The following DCLK1 variants were observed in gnomAD, a reference collection of about 807,000 sequenced individuals.
DCLK1 encodes serine/threonine-protein kinase DCLK1.
In DCLK1, 16 loss-of-function variants were observed where a neutral mutation model predicts 86.2. The ratio of observed to expected loss-of-function variants is 0.19; its 90% CI spans 0.13 to 0.28. The LOEUF is 0.28. DCLK1 is among the 10% of genes least tolerant of loss of function. DCLK1 has a pLI of 1.00. For missense variants in DCLK1, 590 were observed against 940.2 expected (o/e 0.63, Z 4.87); for synonymous variants, 369 against 370.5 (o/e 1.00, Z 0.05).
intron 3 of DCLK1, among the ~76,000 whole-genome samples, chr13:36,108,609 C>T (rs1885491957): frequency 6.6e-6 from 1 of 152,210 alleles, no homozygotes; most frequent in South Asian, 2.1e-4. Context: ...AGTTTTCATG[C>T]CATGGATACA....
At chr13:35,852,848 A>G (rs1439783838) in intron 6 of DCLK1, among the ~76,000 whole-genome samples, 5 of 152,232 alleles carry the variant, frequency 3.3e-5, no homozygotes, top group East Asian at 3.9e-4. Flanking sequence ...GGAATTCCCA[A>G]TCACTCTTAA....
intron 3 of DCLK1, among the ~76,000 whole-genome samples, chr13:35,959,210 C>A (rs557108262): frequency 6.7e-4 from 102 of 152,228 alleles, no homozygotes; most frequent in African/African-American, 2.4e-3. Flanking sequence ...ACAATTAATT[C>A]TTTTCTATTT....
chr13:35,890,816 T>C (rs1873597500), intron 4 of DCLK1, among the ~76,000 whole-genome samples: 1 of 151,902 alleles, frequency 6.6e-6, no homozygotes, highest in African/African-American at 2.4e-5. Context: ...TCCATATATT[T>C]AATAAGCCAT....
At chr13:36,048,513 G>A (rs1883010039) in intron 3 of DCLK1, among the ~76,000 whole-genome samples, 1 of 152,148 alleles carries the variant, frequency 6.6e-6, no homozygotes, top group Non-Finnish European at 1.5e-5. Flanking sequence ...TATATTCTCA[G>A]TCTTGGGTTT....
chr13:35,955,198 GT>G (rs373705276), intron 3 of DCLK1, among the ~76,000 whole-genome samples: 49 of 147,270 alleles, frequency 3.3e-4, no homozygotes, highest in African/African-American at 6.7e-4. Flanking sequence ...TATCTATCCT[GT>G]TTTTTTTTTA....
At chr13:36,090,857 C>T (rs771164339) in intron 3 of DCLK1, among the ~76,000 whole-genome samples, 11 of 152,046 alleles carry the variant, frequency 7.2e-5, no homozygotes, top group Non-Finnish European at 1.3e-4. Flanking sequence ...CCCCACCCTA[C>T]CCCACTCCAC....
chr13:36,076,353 T>C (rs531105546), intron 3 of DCLK1, among the ~76,000 whole-genome samples: 1 of 152,316 alleles, frequency 6.6e-6, no homozygotes, highest in South Asian at 2.1e-4. Flanking sequence ...TTAAATATCA[T>C]CTTCATTTTC....
At chr13:35,831,348 C>A (rs114319522) in intron 8 of DCLK1, among the ~76,000 whole-genome samples, 1 of 152,260 alleles carries the variant, frequency 6.6e-6, no homozygotes, top group African/African-American at 2.4e-5. Context: ...AGGAAAGTAG[C>A]TAGTCTAGAA....
chr13:36,025,899 C>T (rs1224185122), intron 3 of DCLK1, among the ~76,000 whole-genome samples: 2 of 151,670 alleles, frequency 1.3e-5, no homozygotes, highest in Non-Finnish European at 2.9e-5. Context: ...TTGCAAAGTG[C>T]TCTAACTGCA....
chr13:36,085,989 GAA>G (rs1169148191), intron 3 of DCLK1, among the ~76,000 whole-genome samples: 2 of 152,164 alleles, frequency 1.3e-5, no homozygotes, highest in African/African-American at 4.8e-5. Flanking sequence ...AATCTTTAAA[GAA>G]AAGTCTCTCC....
chr13:35,786,361 A>G (rs973279188), intron 16 of DCLK1, among the ~76,000 whole-genome samples: 1 of 152,244 alleles, frequency 6.6e-6, no homozygotes, highest in African/African-American at 2.4e-5. Context: ...AACTTTACAC[A>G]TATATATCTG....
At chr13:35,814,499 C>T (rs1480083190) in intron 11 of DCLK1, among the ~76,000 whole-genome samples, 3 of 152,196 alleles carry the variant, frequency 2.0e-5, no homozygotes, top group Non-Finnish European at 4.4e-5. Context: ...CATGAGCAGG[C>T]TGCAAGCGCA....
At position 35,772,873 on chromosome 13, in the gene DCLK1, C is replaced by G. The variant is rs1451828207; in HGVS notation, c.*1662G>C. ...AATGCAGCAAGTGAAGATCAATGTGCATTTGAAAATAAAGGACTATAGAAA... is the reference window on the plus strand; with the variant it reads ...AATGCAGCAAGTGAAGATCAATGTGGATTTGAAAATAAAGGACTATAGAAA... On this transcript the variant is annotated 3_prime_UTR_variant, in exon 17 of 17. Transcript: ENST00000360631. 6.6e-6 allele frequency: 1 copy of G among 152,096 alleles called. No individual in the cohort carries two copies. The highest frequency in any genetic ancestry group is 2.4e-5 in the African/African-American group (1 of 41,420). The allele number at this position is 152,096 out of a possible 1,614,324, so 9.4% of individuals were successfully genotyped here. A position where few individuals can be genotyped will look rare whatever the true frequency, so the allele number is the denominator to read the frequency against.
intron 3 of DCLK1, among the ~76,000 whole-genome samples, chr13:36,091,035 T>C (rs1473189783): frequency 3.3e-5 from 5 of 152,204 alleles, no homozygotes; most frequent in Non-Finnish European, 5.9e-5. Flanking sequence ...TTTGATGGGG[T>C]TGTTCTTTTC....
chr13:35,940,369 C>A (rs8001225), intron 4 of DCLK1, among the ~76,000 whole-genome samples: 82,395 of 151,634 alleles, frequency 0.54, 25,209 homozygotes, highest in Admixed American at 0.67. Context: ...TTGAGCTTAG[C>A]ACACTGCCTG....
chr13:36,044,264 G>A (rs1882796367), intron 3 of DCLK1, among the ~76,000 whole-genome samples: 1 of 152,148 alleles, frequency 6.6e-6, no homozygotes, highest in African/African-American at 2.4e-5. Flanking sequence ...GCAAAATCAT[G>A]AGCCAAATAA....
intron 4 of DCLK1, among the ~76,000 whole-genome samples, chr13:35,892,537 T>C (rs1309842825): frequency 1.3e-5 from 2 of 152,230 alleles, no homozygotes; most frequent in Non-Finnish European, 2.9e-5. Flanking sequence ...TTCTCTACTT[T>C]AGACTTAGGA....
At chr13:36,081,811 C>T (rs958858640) in intron 3 of DCLK1, among the ~76,000 whole-genome samples, 3 of 152,146 alleles carry the variant, frequency 2.0e-5, no homozygotes, top group Admixed American at 6.5e-5. Flanking sequence ...TAAAACAGAG[C>T]GACCGATTTA....
intron 13 of DCLK1, 143 bp from the exon 14 acceptor site, chr13:35,808,463 A>G (rs9565571): frequency 0.11 from 86,025 of 757,534 alleles, 7,209 homozygotes; most frequent in African/African-American, 0.34. Context: ...AAAAATGTCA[A>G]TGTGGATCTG....
Sources: gnomAD v4.1 joint callset for allele counts (sites outside exome capture counted in the v4.1 genomes callset) on GRCh38, gnomAD v4.1.1 for gene constraint, MANE v1.5 for transcripts, NCBI Gene and HGNC (gene_info 2026-07-23, HGNC 2026-07-21) for gene names.